The following ZSCAN25 variants were observed in gnomAD, a reference collection of about 807,000 sequenced individuals.
ZSCAN25 encodes the protein zinc finger and SCAN domain-containing protein 25.
ZSCAN25 carries 27 observed loss-of-function variants against 38.7 expected under a neutral mutation model. The ratio of observed to expected loss-of-function variants is 0.70; its 90% CI spans 0.51 to 0.96. The LOEUF is 0.96. Ranked by LOEUF, ZSCAN25 falls within the 40% of genes least tolerant of loss-of-function variation. ZSCAN25 has a pLI of 0.00. For synonymous variants in ZSCAN25, 273 were observed against 277.7 expected, an observed-to-expected ratio of 0.98 and a Z score of 0.17; for missense variants, 637 against 705.9, an observed-to-expected ratio of 0.90 and a Z score of 1.11.
the ZSCAN25 span, chr7:99,731,021 A>G: frequency 1.2e-6 from 2 of 1,610,890 alleles, no homozygotes; most frequent in Non-Finnish European, 1.7e-6. Context: ...GCTCTTTGCA[A>G]TCATAAGAAG....
At chr7:99,624,288 C>T (rs1807266712) in intron 7 of ZSCAN25, 108 bp downstream of exon 7, 1 of 1,476,512 alleles carries the variant, frequency 6.8e-7, no homozygotes, top group Admixed American at 1.7e-5. Context: ...GACTTCATGG[C>T]AGGCGGGTAA....
the ZSCAN25 span, among the ~76,000 whole-genome samples, chr7:99,679,568 C>G: frequency 1.3e-5 from 2 of 152,164 alleles, no homozygotes; most frequent in African/African-American, 4.8e-5. Flanking sequence ...CTAAGCTAAT[C>G]AAATCATTCC....
chr7:99,727,723 C>G, the ZSCAN25 span, among the ~76,000 whole-genome samples: 4 of 152,174 alleles, frequency 2.6e-5, no homozygotes, highest in African/African-American at 9.7e-5. Flanking sequence ...GCTCTGCCCC[C>G]CTCCACTATC....
At chr7:99,699,279 T>C in the ZSCAN25 span, among the ~76,000 whole-genome samples, 2 of 152,088 alleles carry the variant, frequency 1.3e-5, no homozygotes, top group African/African-American at 4.8e-5. Flanking sequence ...CCAAGTCTCC[T>C]TTGCTCTGGA....
chr7:99,714,094 G>A, the ZSCAN25 span, among the ~76,000 whole-genome samples: 1 of 152,162 alleles, frequency 6.6e-6, no homozygotes, highest in Non-Finnish European at 1.5e-5. Flanking sequence ...GGGCTCAAAT[G>A]TAACACACAC....
At chr7:99,624,708 A>G (rs1192205364) in intron 7 of ZSCAN25, among the ~76,000 whole-genome samples, 1 of 151,838 alleles carries the variant, frequency 6.6e-6, no homozygotes, top group East Asian at 1.9e-4. Context: ...CTGCGCTGGG[A>G]CTCAGGTGGT....
the ZSCAN25 span, among the ~76,000 whole-genome samples, chr7:99,684,015 G>A: frequency 6.6e-6 from 1 of 152,130 alleles, no homozygotes; most frequent in Non-Finnish European, 1.5e-5. Context: ...AGACAGTTGG[G>A]AGTTGAGAAT....
At chr7:99,647,204 T>C in the ZSCAN25 span, among the ~76,000 whole-genome samples, 1 of 152,214 alleles carries the variant, frequency 6.6e-6, no homozygotes, top group African/African-American at 2.4e-5. Context: ...CACCTCTGTG[T>C]GGACCCCTTC....
the ZSCAN25 span, chr7:99,717,439 C>T: frequency 5.1e-4 from 803 of 1,589,112 alleles, 14 homozygotes; most frequent in East Asian, 0.017. Context: ...GACTACTCCT[C>T]GGAAAGGAAC....
the ZSCAN25 span, among the ~76,000 whole-genome samples, chr7:99,717,015 A>G: frequency 1.3e-5 from 2 of 152,140 alleles, no homozygotes; most frequent in Admixed American, 6.5e-5. Context: ...CCACCTCCTC[A>G]TCGGAGCTGC....
the ZSCAN25 span, chr7:99,705,673 A>G: frequency 6.5e-7 from 1 of 1,535,452 alleles, no homozygotes. Context: ...GTAAAAAAAA[A>G]TTACTGACAA....
chr7:99,732,315 C>T, the ZSCAN25 span, among the ~76,000 whole-genome samples: 4 of 152,174 alleles, frequency 2.6e-5, no homozygotes, highest in South Asian at 6.2e-4. Flanking sequence ...CGGCAGAAGT[C>T]GCTATGCTTC....
chr7:99,657,901 G>C, the ZSCAN25 span, among the ~76,000 whole-genome samples: 4 of 152,146 alleles, frequency 2.6e-5, no homozygotes, highest in African/African-American at 7.2e-5. Flanking sequence ...GAGTAGGATT[G>C]CAACCCCTGC....
chr7:99,735,190 C>T, the ZSCAN25 span: 15 of 1,495,774 alleles, frequency 1.0e-5, no homozygotes, highest in Admixed American at 5.4e-5. Flanking sequence ...CTGCCCTGCA[C>T]AGCAGTGATT....
the ZSCAN25 span, chr7:99,709,362 A>G: frequency 2.0e-6 from 3 of 1,508,502 alleles, no homozygotes; most frequent in South Asian, 2.4e-5. Flanking sequence ...CCAGAGAACA[A>G]CTCATACTGG....
At chr7:99,715,946 C>T in the ZSCAN25 span, 205 of 1,612,450 alleles carry the variant, frequency 1.3e-4, no homozygotes, top group Non-Finnish European at 1.7e-4. Flanking sequence ...ATCAGCACCT[C>T]TTTACCATCC....
chr7:99,646,116 A>C, the ZSCAN25 span, among the ~76,000 whole-genome samples: 1 of 152,166 alleles, frequency 6.6e-6, no homozygotes, highest in African/African-American at 2.4e-5. Context: ...GAATCCATAC[A>C]AATTTTAGGA....
chr7:99,659,947 G>T, the ZSCAN25 span: 1 of 153,096 alleles, frequency 6.5e-6, no homozygotes, highest in Admixed American at 6.5e-5. Context: ...GGGTGGGAGT[G>T]ACCTGATTTT....
the ZSCAN25 span, among the ~76,000 whole-genome samples, chr7:99,724,922 G>C: frequency 3.9e-5 from 6 of 152,056 alleles, no homozygotes; most frequent in Non-Finnish European, 2.9e-5. Flanking sequence ...CCTCTCCCCA[G>C]ATGAGCAGGA....
Sources: gnomAD v4.1 joint callset for allele counts (sites outside exome capture counted in the v4.1 genomes callset) on GRCh38, gnomAD v4.1.1 for gene constraint, MANE v1.5 for transcripts, NCBI Gene and HGNC (gene_info 2026-07-23, HGNC 2026-07-21) for gene names.